The following LIMCH1 variants were observed in gnomAD, a reference collection of about 807,000 sequenced individuals.
The protein encoded by LIMCH1 is LIM and calponin homology domains 1.
A neutral mutation model predicts 176.5 loss-of-function variants in LIMCH1; 113 were observed. The ratio of observed to expected loss-of-function variants is 0.64; its 90% CI spans 0.55 to 0.75. The LOEUF (loss-of-function observed/expected upper bound fraction) is 0.75, where lower values mean the gene tolerates loss of function less well. LIMCH1 is among the 30% of genes least tolerant of loss of function. The pLI is 0.00. For synonymous variants in LIMCH1, 619 were observed against 645.9 expected, an observed-to-expected ratio of 0.96 and a Z score of 0.63; for missense variants, 1,674 against 1,814.9, an observed-to-expected ratio of 0.92 and a Z score of 1.41.
intron 1 of LIMCH1, among the ~76,000 whole-genome samples, chr4:41,478,779 G>A (rs756188468): frequency 3.9e-5 from 6 of 152,190 alleles, no homozygotes; most frequent in African/African-American, 7.2e-5. Context: ...TGGCTAGTAT[G>A]TGCCATTTCT....
In LIMCH1 at chr4:41,681,035, C is replaced by T; in HGVS notation, c.3693C>T (p.Ser1231=). 6.2e-7 allele frequency: 1 copy of T among 1,610,140 alleles called. No individual in the cohort carries two copies. The highest frequency in any genetic ancestry group is 1.1e-5 in the South Asian group (1 of 90,934). ...SSADQLSTSS[S]MTEGSGTMNK... ...CTGACCAGCTGTCTACCTCTTCCTC[C>T]ATGACTGAAGGCAGTGGGACAATGG... Residue 1231 remains serine (S), a synonymous_variant, in exon 25 of 32, where the codon TCC becomes TCT. Coordinates refer to ENST00000503057, the MANE Select transcript of LIMCH1 (RefSeq NM_001330672.2).
At chr4:41,490,561 A>G (rs2070618000) in intron 1 of LIMCH1, among the ~76,000 whole-genome samples, 1 of 152,186 alleles carries the variant, frequency 6.6e-6, no homozygotes, top group Non-Finnish European at 1.5e-5. Context: ...CCCTGAGTTG[A>G]CACAGCACAT....
intron 1 of LIMCH1, among the ~76,000 whole-genome samples, chr4:41,378,049 G>T (rs766875504): frequency 4.6e-5 from 7 of 152,210 alleles, no homozygotes; most frequent in African/African-American, 9.6e-5. Flanking sequence ...AGCAAGCATT[G>T]TCAGTTGGAT....
chr4:41,479,789 T>G (rs1482828453), intron 1 of LIMCH1, among the ~76,000 whole-genome samples: 1 of 152,230 alleles, frequency 6.6e-6, no homozygotes, highest in Non-Finnish European at 1.5e-5. Context: ...TTATACAATG[T>G]GTCATTTTTT....
At chr4:41,428,659 G>C (rs543692845) in intron 1 of LIMCH1, among the ~76,000 whole-genome samples, 1 of 152,348 alleles carries the variant, frequency 6.6e-6, no homozygotes, top group South Asian at 2.1e-4. Flanking sequence ...TCGATATTCT[G>C]TTATGTGTCC....
chr4:41,686,723 G>C (rs1721086001), intron 28 of LIMCH1, among the ~76,000 whole-genome samples: 1 of 152,190 alleles, frequency 6.6e-6, no homozygotes, highest in African/African-American at 2.4e-5. Context: ...CTGGCTAATA[G>C]TAAGTGTAGG....
At chr4:41,547,359 C>A (rs2079595712) in intron 1 of LIMCH1, among the ~76,000 whole-genome samples, 1 of 152,078 alleles carries the variant, frequency 6.6e-6, no homozygotes, top group South Asian at 2.1e-4. Flanking sequence ...CTACTCTCTA[C>A]CTCTATGAGT....
intron 1 of LIMCH1, among the ~76,000 whole-genome samples, chr4:41,550,856 A>G (rs1316898976): frequency 6.6e-6 from 1 of 152,194 alleles, no homozygotes; most frequent in East Asian, 1.9e-4. Flanking sequence ...ACTGTGGAAA[A>G]TATCAGTGTA....
intron 18 of LIMCH1, among the ~76,000 whole-genome samples, chr4:41,653,367 T>C (rs537137681): frequency 5.4e-4 from 81 of 150,700 alleles, no homozygotes; most frequent in African/African-American, 1.9e-3. Flanking sequence ...TAATTGGTCA[T>C]GGCAAAATAT....
intron 1 of LIMCH1, chr4:41,386,001 A>G (rs564018351): frequency 6.6e-6 from 1 of 152,342 alleles, no homozygotes; most frequent in African/African-American, 2.4e-5. Flanking sequence ...AAGGAGTGCT[A>G]CTAGGGTGAG....
chr4:41,589,593 G>A (rs954542905), intron 1 of LIMCH1, among the ~76,000 whole-genome samples: 1 of 152,144 alleles, frequency 6.6e-6, no homozygotes, highest in Non-Finnish European at 1.5e-5. Flanking sequence ...CTCTGGTCTG[G>A]CTTCCCTGTT....
At chr4:41,668,782 C>T (rs1177149637) in intron 21 of LIMCH1, among the ~76,000 whole-genome samples, 1 of 152,164 alleles carries the variant, frequency 6.6e-6, no homozygotes, top group East Asian at 1.9e-4. Context: ...CTCATAGTTC[C>T]ACATGGCTGA....
intron 1 of LIMCH1, among the ~76,000 whole-genome samples, chr4:41,478,795 G>A (rs1433416398): frequency 3.1e-4 from 47 of 152,156 alleles, no homozygotes; most frequent in Admixed American, 3.1e-3. Flanking sequence ...TTTCTATGTA[G>A]TAAGCAGATG....
chr4:41,618,167 A>G (rs2092286518), intron 5 of LIMCH1, among the ~76,000 whole-genome samples: 2 of 152,230 alleles, frequency 1.3e-5, no homozygotes, highest in Admixed American at 6.5e-5. Context: ...TGTTACCACC[A>G]TAGTTGAATA....
At chr4:41,420,920 T>G (rs1581891259) in intron 1 of LIMCH1, among the ~76,000 whole-genome samples, 1 of 152,378 alleles carries the variant, frequency 6.6e-6, no homozygotes, top group East Asian at 1.9e-4. Context: ...GTAATTGTTG[T>G]AGGCTCTGCT....
chr4:41,504,087 T>C (rs1367177908), intron 2 of LIMCH1, among the ~76,000 whole-genome samples: 2 of 152,220 alleles, frequency 1.3e-5, no homozygotes, highest in East Asian at 1.9e-4. Flanking sequence ...GCACCAATTC[T>C]CTGAGAGTGG....
intron 1 of LIMCH1, among the ~76,000 whole-genome samples, chr4:41,407,498 G>A (rs780273985): frequency 5.3e-5 from 8 of 152,156 alleles, no homozygotes; most frequent in Non-Finnish European, 1.0e-4. Flanking sequence ...CCAAAGTGCC[G>A]GGTTTACAGG....
intron 3 of LIMCH1, among the ~76,000 whole-genome samples, chr4:41,526,231 G>T: frequency 7.0e-6 from 1 of 143,076 alleles, no homozygotes; most frequent in Non-Finnish European, 1.5e-5. Flanking sequence ...TTTTCATTTG[G>T]ATTTCCTTTT....
chr4:41,433,873 C>T (rs948689493), intron 1 of LIMCH1, among the ~76,000 whole-genome samples: 3 of 151,944 alleles, frequency 2.0e-5, no homozygotes, highest in East Asian at 1.9e-4. Context: ...TAGGAGGAAA[C>T]GAATTGATGG....
Sources: allele counts gnomAD v4.1 joint callset (sites outside exome capture counted in the v4.1 genomes callset), GRCh38; gene constraint gnomAD v4.1.1; transcripts MANE v1.5; gene names NCBI Gene and HGNC (gene_info 2026-07-23, HGNC 2026-07-21).